Variants in LRR1 observed in about 807,000 individuals in gnomAD.
LRR1 encodes leucine rich repeat protein 1.
In LRR1, 29 loss-of-function variants were observed where a neutral mutation model predicts 31.6. That is an observed-to-expected ratio of 0.92 (90% CI 0.68 to 1.25). LRR1 has a LOEUF of 1.25. Ranked by LOEUF, LRR1 falls within the 50% of genes most tolerant of loss-of-function variation. LRR1 has a pLI of 0.00. For missense variants in LRR1, 485 were observed against 487.2 expected, an observed-to-expected ratio of 1.00 and a Z score of 0.04; for synonymous variants, 179 against 181.4, an observed-to-expected ratio of 0.99 and a Z score of 0.10.
Position 49,607,668 on chromosome 14 carries a change from T to G in LRR1, c.551T>G (p.Leu184Trp), listed in dbSNP as rs748610496. Reference sequence around the variant, plus strand: ...TTAAAAAGCCTTAGGAAATTAGACTTGAGTCACAACCATATAAAAAAGCTT... The same window carrying G: ...TTAAAAAGCCTTAGGAAATTAGACTGGAGTCACAACCATATAAAAAAGCTT... Reference protein sequence around the residue: ...LCLKSLRKLDLSHNHIKKLPA... With the variant: ...LCLKSLRKLDWSHNHIKKLPA... The change falls in exon 3 of 4, where the codon TTG becomes TGG. Residue 184 changes from leucine (L) to tryptophan (W), a missense_variant. Transcript: ENST00000298288. 32 of 1,613,480 alleles carry G rather than the reference T, an allele frequency of 2.0e-5. No homozygotes were observed. Among genetic ancestry groups the G allele is most frequent in the Admixed American group, 8.4e-5 (5 of 59,774 alleles).
chr14:49,609,781 A>C (rs34495950), intron 3 of LRR1, among the ~76,000 whole-genome samples: 1 of 151,408 alleles, frequency 6.6e-6, no homozygotes. Flanking sequence ...TCTCGGCTCA[A>C]CTATAACCTC....
chr14:49,607,370 T>G, intron 2 of LRR1, 30 bp from the exon 3 acceptor site: 2 of 1,519,208 alleles, frequency 1.3e-6, no homozygotes, highest in Non-Finnish European at 1.8e-6. Context: ...TCCAGTGGAA[T>G]TTATAATTCT....
intron 3 of LRR1, 36 bp from the exon 4 acceptor site, chr14:49,614,220 C>T: frequency 1.3e-6 from 2 of 1,581,298 alleles, no homozygotes; most frequent in Non-Finnish European, 1.7e-6. Context: ...AATCTAGTAA[C>T]ATGTTATAAA....
intron 3 of LRR1, among the ~76,000 whole-genome samples, chr14:49,611,159 T>A (rs1882495668): frequency 6.6e-6 from 1 of 152,066 alleles, no homozygotes; most frequent in Non-Finnish European, 1.5e-5. Flanking sequence ...TTACTTCAAA[T>A]TTAGAATAAC....
chr14:49,604,273 C>T (rs779483412), intron 2 of LRR1, among the ~76,000 whole-genome samples: 1 of 151,974 alleles, frequency 6.6e-6, no homozygotes, highest in African/African-American at 2.4e-5. Context: ...CCACTGCACT[C>T]CAACCTGGGC....
rs544538184 is a variant in LRR1 at position 49,608,000 on chromosome 14, T to C, written c.883T>C (p.Ser295Pro). 8 of 1,614,116 alleles carry C rather than the reference T, an allele frequency of 5.0e-6. No individual in the cohort carries two copies. In the African/African-American group the frequency reaches 8.0e-5, roughly 16 times the overall value. The change falls in exon 3 of 4, where the codon TCC becomes CCC. Residue 295 changes from serine (S) to proline (P), a missense_variant. Ser to Pro is a moderately conservative substitution (Grantham distance 74). Transcript: ENST00000298288. ...PFLPSEFRNL[S>P]LEYLDLFGNT... is the part of the protein sequence containing the mutation. The stretch of plus-strand genomic sequence containing the variant: ...TTTGCCTAGTGAATTTAGAAATTTA[T>C]CCCTTGAATACTTGGATCTTTTTGG...
Position 49,599,068 on chromosome 14 carries a change from C to T in LRR1, c.48C>T (p.Ala16=), listed in dbSNP as rs1881927788. Residue 16 remains alanine (A), a synonymous_variant, in exon 1 of 4, where the codon GCC becomes GCT. Transcript: ENST00000298288. The part of the protein sequence containing the change: ...EVEVISRHLP[A]LGLRNRGKGV... ...AGGTGATCAGCCGGCACTTGCCCGC[C>T]TTGGGGCTTAGGAACCGGGGCAAGG... 2.5e-5 allele frequency: 41 copies of T among 1,609,706 alleles called. No individual in the cohort carries two copies. The highest frequency in any genetic ancestry group is 3.5e-5 in the Non-Finnish European group (41 of 1,178,224).
chr14:49,607,769 G>A lies in LRR1; in HGVS notation c.652G>A (p.Ala218Thr). ...NDNHLESFSV[A>T]LCHSTLQKSL... is the part of the protein sequence containing the mutation. ...CAATCACTTGGAGTCATTTAGTGTA[G>A]CCTTGTGTCATTCTACACTCCAGAA... The change falls in exon 3 of 4, where the codon GCC becomes ACC. Residue 218 changes from alanine to threonine, a missense_variant. Physicochemically the swap from Ala to Thr is moderately conservative, Grantham distance 58. Around this residue, in one of 3 missense-constraint regions of LRR1, gnomAD observed 15 missense variants for 37.2 expected, o/e 0.40. Transcript: ENST00000298288. 1 of 1,614,078 alleles carries A rather than the reference G, an allele frequency of 6.2e-7. No individual in the cohort carries two copies. Among genetic ancestry groups the A allele is most frequent in the Non-Finnish European group, 8.5e-7 (1 of 1,179,964 alleles).
At chr14:49,604,468 G>A (rs1305992197) in intron 2 of LRR1, among the ~76,000 whole-genome samples, 1 of 152,166 alleles carries the variant, frequency 6.6e-6, no homozygotes, top group Non-Finnish European at 1.5e-5. Context: ...GGGAGCCCTA[G>A]TTGGGCGGAT....
At chr14:49,602,920 C>G (rs1421123143) in intron 2 of LRR1, among the ~76,000 whole-genome samples, 1 of 152,078 alleles carries the variant, frequency 6.6e-6, no homozygotes, top group Non-Finnish European at 1.5e-5. Flanking sequence ...ACTGCAACCT[C>G]CATCTCCCGG....
At chr14:49,604,234 G>A (rs1223419502) in intron 2 of LRR1, among the ~76,000 whole-genome samples, 1 of 152,066 alleles carries the variant, frequency 6.6e-6, no homozygotes, top group East Asian at 1.9e-4. Flanking sequence ...GAGCCTGGGA[G>A]GTGCAGGTTA....
At chr14:49,605,364 A>G (rs1392585002) in intron 2 of LRR1, among the ~76,000 whole-genome samples, 1 of 152,156 alleles carries the variant, frequency 6.6e-6, no homozygotes, top group Non-Finnish European at 1.5e-5. Flanking sequence ...CTTTCTATCT[A>G]AAAACAAGCT....
intron 3 of LRR1, chr14:49,612,631 G>A (rs1232995746): frequency 5.8e-6 from 6 of 1,042,346 alleles, no homozygotes; most frequent in Non-Finnish European, 4.7e-6. Context: ...AAAGGTAACC[G>A]CTGTTTTTTT....
At position 49,599,076 on chromosome 14, in the gene LRR1, T is replaced by G; in HGVS notation, c.56T>G (p.Leu19Arg). ...AGCCGGCACTTGCCCGCCTTGGGGC[T>G]TAGGAACCGGGGCAAGGGCGTCCGA... ...VISRHLPALG[L>R]RNRGKGVRAV... Residue 19 changes from leucine to arginine, a missense_variant, in exon 1 of 4, where the codon CTT (leucine) becomes CGT (arginine). By Grantham distance (102) the Leu-to-Arg change is moderately radical. This residue lies in a region of LRR1 where 260 missense variants were observed against 249.6 expected (regional missense o/e 1.04). Transcript: ENST00000298288. The G allele has an allele frequency of 1.2e-6, 2 of 1,609,620 alleles. No homozygotes were observed. Among genetic ancestry groups the G allele is most frequent in the Non-Finnish European group, 1.7e-6 (2 of 1,178,112 alleles).
chr14:49,609,635 C>T lies in LRR1; in HGVS notation c.1004+1514C>T, dbSNP rs535962132. ...TGTTGTCCAGGCTGGTCTTGAACTCCTGACCTTGTGATCTGCCCACTTTGG... is the reference window on the plus strand; with the variant it reads ...TGTTGTCCAGGCTGGTCTTGAACTCTTGACCTTGTGATCTGCCCACTTTGG... On this transcript the variant is annotated intron_variant, in intron 3 of 3. Transcript: ENST00000298288. Among the ~76,000 whole-genome samples, 4 of 152,008 alleles carry T rather than the reference C, an allele frequency of 2.6e-5. No individual in the cohort carries two copies. In the East Asian group the frequency reaches 7.8e-4, roughly 30 times the overall value.
At chr14:49,601,507 T>C (rs1347029329) in intron 1 of LRR1, 2 of 742,058 alleles carry the variant, frequency 2.7e-6, no homozygotes, top group African/African-American at 1.8e-5. Flanking sequence ...TTAAATTTTT[T>C]TTGAGCACTC....
chr14:49,610,244 AG>A (rs1376467713), intron 3 of LRR1, among the ~76,000 whole-genome samples: 1 of 113,102 alleles, frequency 8.8e-6, no homozygotes, highest in Non-Finnish European at 1.9e-5. Flanking sequence ...CATTTTGTTG[AG>A]GGTTTTTTTT....
At chr14:49,600,712 C>T in intron 1 of LRR1, 5 of 1,067,108 alleles carry the variant, frequency 4.7e-6, no homozygotes, top group Non-Finnish European at 6.7e-6. Flanking sequence ...TGAAGCAGTT[C>T]AAAACTTGAA....
chr14:49,602,286 G>C (rs936587791), intron 1 of LRR1, 84 bp from the exon 2 acceptor site: 6 of 1,214,318 alleles, frequency 4.9e-6, no homozygotes, highest in African/African-American at 1.5e-5. Context: ...GCCTGGCAAA[G>C]TAACTGGCAC....
Sources: allele counts gnomAD v4.1 joint callset (sites outside exome capture counted in the v4.1 genomes callset), GRCh38; gene constraint gnomAD v4.1.1; regional missense constraint gnomAD v4.1.1; transcripts MANE v1.5; gene names NCBI Gene and HGNC (gene_info 2026-07-23, HGNC 2026-07-21).